CASZ1: variants seen among roughly 807,000 people sequenced by gnomAD.
CASZ1 encodes zinc finger protein castor homolog 1.
In CASZ1, 28 loss-of-function variants were observed where a neutral mutation model predicts 135.2. The observed-to-expected ratio is 0.21, with a 90% CI of 0.15 to 0.28. The LOEUF is 0.28. Among genes scored for constraint, CASZ1 ranks in the 10% least tolerant of loss-of-function variants. The pLI, the probability that CASZ1 is intolerant of heterozygous loss-of-function variation, is 1.00. For missense variants in CASZ1, 2,161 were observed against 2,453.3 expected (o/e 0.88, Z 2.52); for synonymous variants, 1,068 against 1,073.4 (o/e 0.99, Z 0.10).
intron 20 of CASZ1, among the ~76,000 whole-genome samples, chr1:10,641,410 C>T (rs1480302562): frequency 1.3e-5 from 2 of 152,020 alleles, no homozygotes; most frequent in Non-Finnish European, 2.9e-5. Flanking sequence ...CAGAGGAGTC[C>T]GAGCCCGGGT....
At chr1:10,779,586 A>G (rs1186074540) in intron 1 of CASZ1, among the ~76,000 whole-genome samples, 1 of 152,210 alleles carries the variant, frequency 6.6e-6, no homozygotes, top group African/African-American at 2.4e-5. Flanking sequence ...TTGTGAAATA[A>G]AAAACAAATC....
rs531073630 is a variant in CASZ1, at chr1:10,757,961, C to A, written c.-77+2740G>T. 1.8e-4 allele frequency among the ~76,000 whole-genome samples: 28 copies of A among 152,204 alleles called. No individual in the cohort carries two copies. The highest frequency in any genetic ancestry group is 3.2e-4 in the Non-Finnish European group (22 of 68,046). ...CCCCATCCACGTCCTGGCCACTCTG[C>A]CTTTCTTTCCAGTCACTGGATGCAC... On this transcript the variant is annotated intron_variant, in intron 2 of 20. Coordinates refer to ENST00000377022, the MANE Select transcript of CASZ1 (RefSeq NM_001079843.3). This position sits in a 1 kb window ranked among gnomAD's most constrained non-coding sequence, Gnocchi z 4.6.
At position 10,668,664 on chromosome 1, in the gene CASZ1, T is replaced by C. The variant is rs1239550762; in HGVS notation, c.17-3093A>G. Among the ~76,000 whole-genome samples the C allele has an allele frequency of 2.0e-5, 3 of 152,262 alleles. No individual in the cohort carries two copies. The East Asian group carries it at 5.8e-4, about 29-fold the overall frequency. Reference sequence around the variant, plus strand: ...CGGGCTCTGGCGCAGCACCAGGGTATGGCCTAGCCTCTGGGGTCAGGGAGT... The same window carrying C: ...CGGGCTCTGGCGCAGCACCAGGGTACGGCCTAGCCTCTGGGGTCAGGGAGT... On this transcript the variant is annotated intron_variant, in intron 4 of 20. Transcript: ENST00000377022.
At chr1:10,742,117 C>G (rs2100533886) in intron 2 of CASZ1, among the ~76,000 whole-genome samples, 1 of 152,236 alleles carries the variant, frequency 6.6e-6, no homozygotes, top group African/African-American at 2.4e-5. Flanking sequence ...ACGTGATGTC[C>G]CAAACAGACA....
rs971541118 is a variant in CASZ1, at chr1:10,762,293, C to G, written c.-233-1436G>C. Among the ~76,000 whole-genome samples the G allele has an allele frequency of 5.3e-5, 8 of 152,212 alleles. 1 individual carries two copies. The South Asian group carries it at 1.0e-3, about 20-fold the overall frequency. ...GGATCAGCCCAGCTCCCATCCCACC[C>G]CTCGGCGCCACACAGGGTTAACAGC... On this transcript the variant is annotated intron_variant, in intron 1 of 20. Coordinates refer to ENST00000377022, the MANE Select transcript of CASZ1 (RefSeq NM_001079843.3). This position sits in a 1 kb window ranked among gnomAD's most constrained non-coding sequence, Gnocchi z 4.1.
rs192376588 is a variant in CASZ1 at position 10,724,373 on chromosome 1, C to T, written c.-76-18829G>A. On this transcript the variant is annotated intron_variant, in intron 2 of 20. Coordinates refer to ENST00000377022, the MANE Select transcript of CASZ1 (RefSeq NM_001079843.3). This position sits in a 1 kb window ranked among gnomAD's most constrained non-coding sequence, Gnocchi z 4.1. ...GCGAAGTGCCGAAGGTGCTTGGCAC[C>T]GAGTGTTTGCTTATTTACAAGGCTG... is the stretch of plus-strand genomic sequence containing the variant. Among the ~76,000 whole-genome samples, 9 of 152,316 alleles carry T rather than the reference C, an allele frequency of 5.9e-5. No homozygotes were observed. Among genetic ancestry groups the T allele is most frequent in the Admixed American group, 3.9e-4 (6 of 15,298 alleles).
rs1027703400 is a variant in CASZ1 at position 10,762,836 on chromosome 1, G to A, written c.-233-1979C>T. Among the ~76,000 whole-genome samples the A allele has an allele frequency of 3.9e-5, 6 of 152,152 alleles. No individual in the cohort carries two copies. Among genetic ancestry groups the A allele is most frequent in the African/African-American group, 1.2e-4 (5 of 41,438 alleles). On this transcript the variant is annotated intron_variant, in intron 1 of 20. Transcript: ENST00000377022. The surrounding 1 kb of genome is among the most constrained non-coding windows in gnomAD (Gnocchi z 4.1). ...CCACAGGCCAACGGTGAACACTCTC[G>A]GTGTTTCATGTCCTTGGCTCAGAGG...
At chr1:10,692,478 G>T (rs1228718618) in intron 4 of CASZ1, among the ~76,000 whole-genome samples, 1 of 152,208 alleles carries the variant, frequency 6.6e-6, no homozygotes, top group African/African-American at 2.4e-5. Context: ...GGGCAGGCAG[G>T]TTCTCTGTGG....
Position 10,655,796 on chromosome 1 carries a change from C to T in CASZ1, c.1518G>A (p.Gln506=), listed in dbSNP as rs749294063. The T allele has an allele frequency of 3.7e-6, 6 of 1,614,074 alleles. No homozygotes were observed. Among genetic ancestry groups the T allele is most frequent in the South Asian group, 1.1e-5 (1 of 91,086 alleles). The change falls in exon 9 of 21, where the codon CAG becomes CAA. Residue 506 remains glutamine (Q), a synonymous_variant. Coordinates refer to ENST00000377022, the MANE Select transcript of CASZ1 (RefSeq NM_001079843.3). ...GCATGTTGTAGTGGCGGATCACGTC[C>T]TGCTTACTCGTGAACCTCTGCCAGG... is the stretch of plus-strand genomic sequence containing the variant. ...ECNYQRFTSK[Q]DVIRHYNMHK... is the part of the protein sequence containing the mutation.
intron 4 of CASZ1, among the ~76,000 whole-genome samples, chr1:10,685,967 C>T (rs1355079755): frequency 6.6e-6 from 1 of 152,242 alleles, no homozygotes; most frequent in African/African-American, 2.4e-5. Flanking sequence ...ACAGGGGCAG[C>T]TGCTGGCCTG....
rs1384062049 is a variant in CASZ1, at chr1:10,639,844, T to A, written c.4378A>T (p.Thr1460Ser). The change falls in exon 21 of 21, where the codon ACG becomes TCG. Residue 1460 changes from threonine (T) to serine (S), a missense_variant. Physicochemically the swap from Thr to Ser is moderately conservative, Grantham distance 58. Transcript: ENST00000377022. The surrounding 1 kb of genome is among the most constrained non-coding windows in gnomAD (Gnocchi z 4.0). Reference protein sequence around the residue: ...FSLKVTHYHCTRENCGYKFCG... With the variant: ...FSLKVTHYHCSRENCGYKFCG... ...AACTTGTAGCCGCAGTTCTCGCGCG[T>A]GCAGTGGTAGTGGGTGACCTTGAGC... is the stretch of plus-strand genomic sequence containing the variant. 6 of 1,611,918 alleles carry A rather than the reference T, an allele frequency of 3.7e-6. No homozygotes were observed. The highest frequency in any genetic ancestry group is 5.1e-6 in the Non-Finnish European group (6 of 1,179,536).
intron 2 of CASZ1, among the ~76,000 whole-genome samples, chr1:10,753,011 T>C (rs1441922743): frequency 2.0e-5 from 3 of 152,164 alleles, no homozygotes; most frequent in African/African-American, 7.2e-5. Flanking sequence ...CACTCCAGCC[T>C]GGGCAGCAAG....
rs1020338607 is a variant in CASZ1 at position 10,741,956 on chromosome 1, A to C, written c.-77+18745T>G. On this transcript the variant is annotated intron_variant, in intron 2 of 20. Transcript: ENST00000377022. The surrounding 1 kb of genome is among the most constrained non-coding windows in gnomAD (Gnocchi z 5.0). ...TGAGACCTAATGTGCCTAACCCAGC[A>C]AGCGCCGAGACACGGACCCCTCACC... is the stretch of plus-strand genomic sequence containing the variant. 2.0e-4 allele frequency among the ~76,000 whole-genome samples: 30 copies of C among 152,124 alleles called. No individual in the cohort carries two copies. Among genetic ancestry groups the C allele is most frequent in the African/African-American group, 6.7e-4 (28 of 41,520 alleles).
chr1:10,687,445 G>A lies in CASZ1; in HGVS notation c.16+6429C>T, dbSNP rs114422137. Among the ~76,000 whole-genome samples, 1,506 of 152,338 alleles carry A rather than the reference G, an allele frequency of 9.9e-3. 19 individuals are homozygous for A. Among genetic ancestry groups the A allele is most frequent in the Non-Finnish European group, 0.016 (1,092 of 68,022 alleles). On this transcript the variant is annotated intron_variant, in intron 4 of 20. Transcript: ENST00000377022. ...GGAGACCCCAGAGTCAGGCCTGTGGGACATTCTAAGAGCAGATGCCCCGGC... is the reference window on the plus strand; with the variant it reads ...GGAGACCCCAGAGTCAGGCCTGTGGAACATTCTAAGAGCAGATGCCCCGGC...
chr1:10,738,560 G>T (rs1639845521), intron 2 of CASZ1, among the ~76,000 whole-genome samples: 1 of 152,264 alleles, frequency 6.6e-6, no homozygotes. Context: ...AGGCTGCAGG[G>T]CCATGGGGCG....
Position 10,660,311 on chromosome 1 carries a change from C to T in CASZ1, c.731G>A (p.Arg244His), listed in dbSNP as rs776539193. Reference protein sequence around the residue: ...ARFSKYEEYIRKLKAGEQLSW... With the variant: ...ARFSKYEEYIHKLKAGEQLSW... ...GAGCTGCTCGCCAGCCTTGAGCTTG[C>T]GGATGTACTCCTCATACTTAGAGAA... Residue 244 changes from arginine to histidine, a missense_variant, in exon 6 of 21, where the codon CGC (arginine) becomes CAC (histidine). Arg to His is a conservative substitution (Grantham distance 29, BLOSUM62 0). Coordinates refer to ENST00000377022, the MANE Select transcript of CASZ1 (RefSeq NM_001079843.3). 41 of 1,613,970 alleles carry T rather than the reference C, an allele frequency of 2.5e-5. No homozygotes were observed. The highest frequency in any genetic ancestry group is 1.6e-4 in the Middle Eastern group (1 of 6,084).
Position 10,720,872 on chromosome 1 carries a change from C to T in CASZ1, c.-76-15328G>A, listed in dbSNP as rs951116783. Among the ~76,000 whole-genome samples, 5 of 152,110 alleles carry T rather than the reference C, an allele frequency of 3.3e-5. No homozygotes were observed. In the South Asian group the frequency reaches 6.2e-4, roughly 19 times the overall value. ...CAAGGGGAGAGGCAGGCATGGGTGC[C>T]GCGTGGGCCCAGCCAAGGGCTCCAG... is the stretch of plus-strand genomic sequence containing the variant. On this transcript the variant is annotated intron_variant, in intron 2 of 20. Coordinates refer to ENST00000377022, the MANE Select transcript of CASZ1 (RefSeq NM_001079843.3). The surrounding 1 kb of genome is among the most constrained non-coding windows in gnomAD (Gnocchi z 5.7).
intron 3 of CASZ1, among the ~76,000 whole-genome samples, chr1:10,696,980 G>A (rs920920943): frequency 1.3e-5 from 2 of 152,248 alleles, no homozygotes; most frequent in African/African-American, 2.4e-5. Context: ...GAGAGCTTGG[G>A]GGATGGCAGC....
In CASZ1 at chr1:10,747,437, C is replaced by T. The variant is rs1318299843; in HGVS notation, c.-77+13264G>A. 1.3e-5 allele frequency among the ~76,000 whole-genome samples: 2 copies of T among 152,180 alleles called. No individual in the cohort carries two copies. The highest frequency in any genetic ancestry group is 2.4e-5 in the African/African-American group (1 of 41,450). ...ATTGAGGGTCTAACAGTGGCCAGGTCCCAGCGGCAGATGAAAGGCGTTCCA... is the reference window on the plus strand; with the variant it reads ...ATTGAGGGTCTAACAGTGGCCAGGTTCCAGCGGCAGATGAAAGGCGTTCCA... On this transcript the variant is annotated intron_variant, in intron 2 of 20. Transcript: ENST00000377022. This position sits in a 1 kb window ranked among gnomAD's most constrained non-coding sequence, Gnocchi z 4.3.
Sources: allele counts gnomAD v4.1 joint callset (sites outside exome capture counted in the v4.1 genomes callset), GRCh38; gene constraint gnomAD v4.1.1; non-coding constraint Gnocchi (gnomAD v3.1); transcripts MANE v1.5; gene names NCBI Gene and HGNC (gene_info 2026-07-23, HGNC 2026-07-21).